Variants in RGS6 observed in about 807,000 individuals in gnomAD.
The protein encoded by RGS6 is regulator of G-protein signaling 6.
Under a neutral mutation model 78.5 loss-of-function variants are expected in RGS6, and 30 were observed. That is an observed-to-expected ratio of 0.38 (90% CI 0.29 to 0.52). The LOEUF (loss-of-function observed/expected upper bound fraction) is 0.52, where lower values mean the gene tolerates loss of function less well. Among genes scored for constraint, RGS6 ranks in the 20% least tolerant of loss-of-function variants. RGS6 has a pLI of 0.85. For synonymous variants in RGS6, 206 were observed against 206.0 expected, an observed-to-expected ratio of 1.00 and a Z score of 0.00; for missense variants, 495 against 609.7, an observed-to-expected ratio of 0.81 and a Z score of 1.98.
At chr14:72,397,065 T>C (rs978855157) in intron 3 of RGS6, among the ~76,000 whole-genome samples, 3 of 152,192 alleles carry the variant, frequency 2.0e-5, no homozygotes, top group African/African-American at 7.2e-5. Flanking sequence ...TAAAGTAGTT[T>C]TTTCCAATTC....
chr14:72,353,255 G>T (rs1489113424), intron 3 of RGS6, among the ~76,000 whole-genome samples: 4 of 152,204 alleles, frequency 2.6e-5, no homozygotes, highest in African/African-American at 9.7e-5. Flanking sequence ...AGGGTTTATA[G>T]CAACTTTTAT....
the RGS6 span, among the ~76,000 whole-genome samples, chr14:72,590,951 C>T: frequency 3.9e-5 from 6 of 152,190 alleles, no homozygotes; most frequent in South Asian, 2.1e-4. Flanking sequence ...ATTAGCTATA[C>T]CATTTTTATT....
At chr14:71,939,631 AC>A (rs939248501) in intron 1 of RGS6, among the ~76,000 whole-genome samples, 7 of 152,234 alleles carry the variant, frequency 4.6e-5, no homozygotes, top group Non-Finnish European at 1.0e-4. Context: ...CATACCAAGT[AC>A]TAGGAGATGT....
intron 2 of RGS6, among the ~76,000 whole-genome samples, chr14:72,071,554 C>T (rs2094408268): frequency 6.6e-6 from 1 of 152,294 alleles, no homozygotes; most frequent in East Asian, 1.9e-4. Context: ...ATGTCCTTAC[C>T]AATTCTTAGT....
intron 2 of RGS6, among the ~76,000 whole-genome samples, chr14:72,150,779 A>T (rs985404846): frequency 3.3e-5 from 5 of 152,042 alleles, no homozygotes; most frequent in Admixed American, 2.6e-4. Flanking sequence ...GCCCTCCTCC[A>T]CATTGATCCA....
At chr14:72,609,578 C>T in the RGS6 span, among the ~76,000 whole-genome samples, 8 of 152,258 alleles carry the variant, frequency 5.3e-5, no homozygotes, top group South Asian at 8.3e-4. Context: ...CAGCACTTCA[C>T]GTTAGGAACC....
At chr14:72,487,815 G>C (rs1248023212) in intron 12 of RGS6, among the ~76,000 whole-genome samples, 1 of 152,144 alleles carries the variant, frequency 6.6e-6, no homozygotes, top group Non-Finnish European at 1.5e-5. Context: ...ATTGTTTTCA[G>C]CTGCTAAATA....
chr14:71,984,484 G>GA (rs370779936), intron 2 of RGS6, among the ~76,000 whole-genome samples: 10 of 117,426 alleles, frequency 8.5e-5, no homozygotes, highest in Admixed American at 3.0e-4. Context: ...GTCTCAAAAA[G>GA]AAAAAAAAAA....
intron 15 of RGS6, among the ~76,000 whole-genome samples, chr14:72,534,661 C>T (rs1464706042): frequency 1.3e-5 from 2 of 152,282 alleles, no homozygotes; most frequent in Non-Finnish European, 2.9e-5. Flanking sequence ...TTCTTTTGTG[C>T]TGGGTAAGGA....
chr14:72,274,876 A>G (rs1301035943), intron 2 of RGS6, among the ~76,000 whole-genome samples: 1 of 152,248 alleles, frequency 6.6e-6, no homozygotes, highest in Admixed American at 6.5e-5. Flanking sequence ...GCTTTAAGTC[A>G]CTGAGTTTGT....
chr14:72,499,222 T>C (rs77830594), intron 13 of RGS6, among the ~76,000 whole-genome samples: 6,629 of 152,328 alleles, frequency 0.044, 228 homozygotes, highest in Non-Finnish European at 0.067. Flanking sequence ...AGCTAATGTG[T>C]CTTTAAAATC....
chr14:72,441,412 CA>C (rs1456742772), intron 3 of RGS6, among the ~76,000 whole-genome samples: 1 of 152,068 alleles, frequency 6.6e-6, no homozygotes, highest in Non-Finnish European at 1.5e-5. Flanking sequence ...TCTAAATATC[CA>C]AAGAAAAAAA....
At chr14:72,355,395 A>G (rs1410053704) in intron 3 of RGS6, among the ~76,000 whole-genome samples, 3 of 152,060 alleles carry the variant, frequency 2.0e-5, no homozygotes, top group African/African-American at 7.2e-5. Context: ...GGGTTTCACC[A>G]TGTTGCCCAG....
At chr14:72,329,592 C>T (rs2074544275) in intron 2 of RGS6, among the ~76,000 whole-genome samples, 1 of 152,234 alleles carries the variant, frequency 6.6e-6, no homozygotes, top group African/African-American at 2.4e-5. Flanking sequence ...TAATTAGCAA[C>T]ATGCAAGTGT....
intron 2 of RGS6, among the ~76,000 whole-genome samples, chr14:72,127,480 A>G (rs2096224464): frequency 6.6e-6 from 1 of 152,168 alleles, no homozygotes. Flanking sequence ...GCTGGGTTTC[A>G]TTACTTTGAA....
At chr14:72,602,893 C>T in the RGS6 span, among the ~76,000 whole-genome samples, 1 of 152,000 alleles carries the variant, frequency 6.6e-6, no homozygotes, top group African/African-American at 2.4e-5. Flanking sequence ...TGATTCTAGT[C>T]CCTTAAAATC....
rs1443358958 is a variant in RGS6, at chr14:72,366,276, G to T, written c.184+14082G>T. Among the ~76,000 whole-genome samples the T allele has an allele frequency of 2.6e-5, 4 of 152,312 alleles. No individual in the cohort carries two copies. The East Asian group carries it at 7.7e-4, about 29-fold the overall frequency. On this transcript the variant is annotated intron_variant, in intron 3 of 17. Transcript: ENST00000553525. ...GGATGAAGAGGGAGAAGGAATGCCT[G>T]TTGGTTCACCTGTGGGTTCGAAATG...
chr14:71,937,222 T>C (rs921964657), intron 1 of RGS6, among the ~76,000 whole-genome samples: 28 of 152,196 alleles, frequency 1.8e-4, no homozygotes, highest in African/African-American at 6.8e-4. Context: ...ACTGTCCAGG[T>C]GGCAATCTTA....
the RGS6 span, among the ~76,000 whole-genome samples, chr14:72,579,815 G>A: frequency 2.6e-5 from 4 of 152,206 alleles, no homozygotes; most frequent in African/African-American, 4.8e-5. Context: ...TGCCCACCTG[G>A]AGGCCACTGA....
Sources: allele counts gnomAD v4.1 joint callset (sites outside exome capture counted in the v4.1 genomes callset), GRCh38; gene constraint gnomAD v4.1.1; transcripts MANE v1.5; gene names NCBI Gene and HGNC (gene_info 2026-07-23, HGNC 2026-07-21).